The following PREX2 variants were observed in gnomAD, a reference collection of about 807,000 sequenced individuals.
PREX2 encodes phosphatidylinositol-3,4,5-trisphosphate dependent Rac exchange factor 2, also known as phosphatidylinositol 3,4,5-trisphosphate-dependent Rac exchanger 2 protein.
A neutral mutation model predicts 203.2 loss-of-function variants in PREX2; 107 were observed. The ratio of observed to expected loss-of-function variants is 0.53; its 90% CI spans 0.45 to 0.62. The LOEUF (loss-of-function observed/expected upper bound fraction) is 0.62. PREX2 is among the 20% of genes least tolerant of loss of function. PREX2 has a pLI of 0.00. For synonymous variants in PREX2, 672 were observed against 663.6 expected (o/e 1.01, Z -0.19); for missense variants, 1,777 against 1,955.9 (o/e 0.91, Z 1.72).
chr8:68,179,404 A>G (rs1346619270), intron 35 of PREX2, among the ~76,000 whole-genome samples: 1 of 152,080 alleles, frequency 6.6e-6, no homozygotes, highest in Non-Finnish European at 1.5e-5. Flanking sequence ...TTCTTTAAAC[A>G]GGGAAGGAAA....
At position 68,019,551 on chromosome 8, in the gene PREX2, G is replaced by A; in HGVS notation, c.216G>A (p.Met72Ile). ...DKNVTEETVKMLFSNIEDILA... is the reference protein window; with the variant it reads ...DKNVTEETVKILFSNIEDILA... Reference sequence around the variant, plus strand: ...CTTACACATTTGTTTATTTACAGATGTTGTTCTCAAACATTGAAGACATCC... The same window carrying A: ...CTTACACATTTGTTTATTTACAGATATTGTTCTCAAACATTGAAGACATCC... Residue 72 changes from methionine to isoleucine, a missense_variant and splice_region_variant, in exon 3 of 40, where the codon ATG (methionine) becomes ATA (isoleucine). Transcript: ENST00000288368. 1 of 1,606,946 alleles carries A rather than the reference G, an allele frequency of 6.2e-7. No homozygotes were observed. The highest frequency in any genetic ancestry group is 8.5e-7 in the Non-Finnish European group (1 of 1,177,260).
intron 1 of PREX2, among the ~76,000 whole-genome samples, chr8:67,990,075 T>G (rs571817052): frequency 1.3e-5 from 2 of 152,234 alleles, no homozygotes; most frequent in Non-Finnish European, 2.9e-5. Context: ...ACCCTCTCCC[T>G]CCTGGGTTAA....
intron 33 of PREX2, among the ~76,000 whole-genome samples, chr8:68,142,703 A>G (rs1811251940): frequency 1.3e-5 from 2 of 152,122 alleles, no homozygotes; most frequent in Admixed American, 6.6e-5. Context: ...GAAAGTGCCA[A>G]ACTGTTTTCC....
At chr8:67,967,777 A>G (rs1805815286) in intron 1 of PREX2, among the ~76,000 whole-genome samples, 2 of 152,272 alleles carry the variant, frequency 1.3e-5, no homozygotes, top group South Asian at 4.1e-4. Flanking sequence ...CTTTCCCTGA[A>G]AGGGGATGGG....
intron 7 of PREX2, among the ~76,000 whole-genome samples, chr8:68,040,622 C>T (rs1414196792): frequency 6.6e-6 from 1 of 152,200 alleles, no homozygotes; most frequent in Non-Finnish European, 1.5e-5. Context: ...TCTTCCCTGA[C>T]CATCCCATCT....
At chr8:67,956,839 C>A (rs1805505099) in intron 1 of PREX2, among the ~76,000 whole-genome samples, 1 of 152,200 alleles carries the variant, frequency 6.6e-6, no homozygotes, top group South Asian at 2.1e-4. Context: ...TTGTCATAAA[C>A]CAAATATTTT....
At chr8:67,965,927 A>G (rs796485933) in intron 1 of PREX2, among the ~76,000 whole-genome samples, 1 of 152,174 alleles carries the variant, frequency 6.6e-6, no homozygotes, top group South Asian at 2.1e-4. Context: ...TCTCCTGTAT[A>G]ATTTTTAGTG....
intron 23 of PREX2, among the ~76,000 whole-genome samples, chr8:68,101,849 TAAA>T (rs941730303): frequency 6.6e-6 from 1 of 152,138 alleles, no homozygotes; most frequent in African/African-American, 2.4e-5. Context: ...GGAAGTAGCT[TAAA>T]GAAGTATACA....
chr8:68,116,598 C>T (rs371260682), intron 26 of PREX2, among the ~76,000 whole-genome samples: 14 of 152,152 alleles, frequency 9.2e-5, no homozygotes, highest in African/African-American at 1.2e-4. Context: ...CTCCTTGACG[C>T]GTAAACGGCC....
At chr8:68,025,540 T>G (rs1027528901) in intron 4 of PREX2, among the ~76,000 whole-genome samples, 1 of 152,046 alleles carries the variant, frequency 6.6e-6, no homozygotes, top group East Asian at 1.9e-4. Context: ...TAGATTAATT[T>G]TTCATCAAAT....
chr8:67,980,823 A>G (rs1334824822), intron 1 of PREX2, among the ~76,000 whole-genome samples: 1 of 152,210 alleles, frequency 6.6e-6, no homozygotes, highest in Non-Finnish European at 1.5e-5. Context: ...GCCTTCTGTC[A>G]TGATCGTAAG....
intron 3 of PREX2, among the ~76,000 whole-genome samples, chr8:68,021,807 C>G (rs1467167726): frequency 6.6e-6 from 1 of 152,168 alleles, no homozygotes; most frequent in Non-Finnish European, 1.5e-5. Context: ...GTTCATTTGT[C>G]TACTTGAATT....
intron 35 of PREX2, among the ~76,000 whole-genome samples, chr8:68,180,817 G>C (rs1812070449): frequency 3.9e-5 from 6 of 152,144 alleles, no homozygotes; most frequent in Admixed American, 3.9e-4. Context: ...AGTCCGCTGA[G>C]GAGAGTGGGT....
At chr8:67,981,622 A>C (rs1806273010) in intron 1 of PREX2, among the ~76,000 whole-genome samples, 1 of 152,214 alleles carries the variant, frequency 6.6e-6, no homozygotes, top group Middle Eastern at 3.2e-3. Context: ...GGAGTGTTTC[A>C]GCTAAGGGTG....
intron 1 of PREX2, among the ~76,000 whole-genome samples, chr8:67,956,398 G>C (rs1805493751): frequency 6.6e-6 from 1 of 152,200 alleles, no homozygotes; most frequent in Non-Finnish European, 1.5e-5. Flanking sequence ...TGCCCAGCTT[G>C]TTTTAATGCT....
At chr8:68,149,268 G>A in intron 34 of PREX2, among the ~76,000 whole-genome samples, 1 of 152,180 alleles carries the variant, frequency 6.6e-6, no homozygotes, top group Non-Finnish European at 1.5e-5. Context: ...TCAGAGATGG[G>A]ACCAGCTATT....
At chr8:68,037,399 A>T (rs1408626697) in intron 6 of PREX2, among the ~76,000 whole-genome samples, 2 of 152,184 alleles carry the variant, frequency 1.3e-5, no homozygotes, top group Non-Finnish European at 2.9e-5. Flanking sequence ...ATGGCTCAAA[A>T]TAGACATTTC....
chr8:68,026,461 G>A (rs1807716882), intron 4 of PREX2, among the ~76,000 whole-genome samples: 1 of 152,068 alleles, frequency 6.6e-6, no homozygotes, highest in Non-Finnish European at 1.5e-5. Flanking sequence ...CAGAAAGAAG[G>A]TTTGGGCAAG....
intron 34 of PREX2, among the ~76,000 whole-genome samples, chr8:68,148,876 A>G (rs187130374): frequency 3.1e-4 from 47 of 152,342 alleles, no homozygotes; most frequent in African/African-American, 9.4e-4. Context: ...TAAAACTCCC[A>G]TGAGGAATCA....
Sources: allele counts gnomAD v4.1 joint callset (sites outside exome capture counted in the v4.1 genomes callset), GRCh38; gene constraint gnomAD v4.1.1; transcripts MANE v1.5; gene names NCBI Gene and HGNC (gene_info 2026-07-23, HGNC 2026-07-21).